Variants in LATS1 observed in about 807,000 individuals in gnomAD.
The protein encoded by LATS1 is large tumor suppressor kinase 1, also known as serine/threonine-protein kinase LATS1.
LATS1 carries 25 observed loss-of-function variants against 106.6 expected under a neutral mutation model. The ratio of observed to expected loss-of-function variants is 0.23; its 90% confidence interval spans 0.17 to 0.33. The LOEUF is 0.33. LATS1 is among the 10% of genes least tolerant of loss of function. The pLI, the probability that LATS1 is intolerant of heterozygous loss-of-function variation, is 1.00. For missense variants in LATS1, 1,040 were observed against 1,382.6 expected (o/e 0.75, Z 3.93); for synonymous variants, 465 against 455.6 (o/e 1.02, Z -0.26).
rs1479779425 is a variant in LATS1, at chr6:149,660,914, G to A, written c.*815C>T. The A allele has an allele frequency of 9.5e-6, 2 of 210,634 alleles. No individual in the cohort carries two copies. The highest frequency in any genetic ancestry group is 1.9e-5 in the Non-Finnish European group (2 of 103,610). The allele number at this position is 210,634 out of a possible 1,614,324, so 13.0% of individuals were successfully genotyped here. On this transcript the variant is annotated 3_prime_UTR_variant, in exon 8 of 8. Transcript: ENST00000543571. The stretch of plus-strand genomic sequence containing the variant: ...GAAAATTAAAATAATTATCTGCTTA[G>A]GATGGTGAGAAATATTTTAGCTTTT...
chr6:149,661,944 T>C lies in LATS1; in HGVS notation c.3178A>G (p.Thr1060Ala). Residue 1060 changes from threonine to alanine, a missense_variant, in exon 8 of 8, where the codon ACT becomes GCT. Transcript: ENST00000543571. ...DDNEEENVND[T>A]LNGWYKNGKH... ...CCATTTTTATACCATCCATTGAGAGTGTCATTTACATTTTCTTCCTCGTTA... is the reference window on the plus strand; with the variant it reads ...CCATTTTTATACCATCCATTGAGAGCGTCATTTACATTTTCTTCCTCGTTA... 1 of 1,613,982 alleles carries C rather than the reference T, an allele frequency of 6.2e-7. No individual in the cohort carries two copies. The highest frequency in any genetic ancestry group is 8.5e-7 in the Non-Finnish European group (1 of 1,179,940).
intron 3 of LATS1, among the ~76,000 whole-genome samples, chr6:149,689,929 G>C (rs1413861504): frequency 3.3e-5 from 5 of 151,114 alleles, no homozygotes; most frequent in Non-Finnish European, 7.4e-5. Context: ...CCTCTTAACT[G>C]GAGTCTTCCA....
chr6:149,704,463 T>C (rs1374688698), intron 1 of LATS1, among the ~76,000 whole-genome samples: 1 of 151,246 alleles, frequency 6.6e-6, no homozygotes, highest in African/African-American at 2.4e-5. Context: ...AAAAACACTT[T>C]AAATGGGTAA....
intron 2 of LATS1, chr6:149,697,057 G>A (rs1215161501): frequency 6.0e-6 from 5 of 835,040 alleles, no homozygotes; most frequent in Admixed American, 4.3e-5. Context: ...AAAGTATGTT[G>A]ACATGCATTT....
chr6:149,663,009 A>G (rs1440237101), intron 7 of LATS1, among the ~76,000 whole-genome samples: 1 of 151,866 alleles, frequency 6.6e-6, no homozygotes, highest in Non-Finnish European at 1.5e-5. Flanking sequence ...GGTTATGAAT[A>G]AAATGAAATG....
At chr6:149,698,900 T>C (rs1018072669) in intron 2 of LATS1, among the ~76,000 whole-genome samples, 3 of 152,192 alleles carry the variant, frequency 2.0e-5, no homozygotes, top group Non-Finnish European at 4.4e-5. Context: ...CACATAATTA[T>C]GCCTTTGTTT....
intron 7 of LATS1, among the ~76,000 whole-genome samples, chr6:149,675,218 A>G (rs1582857199): frequency 6.7e-6 from 1 of 148,300 alleles, no homozygotes. Context: ...TCTGTATCAA[A>G]AAAAAAAAAA....
chr6:149,688,810 A>C (rs1782550712), intron 3 of LATS1, among the ~76,000 whole-genome samples: 1 of 152,204 alleles, frequency 6.6e-6, no homozygotes, highest in African/African-American at 2.4e-5. Flanking sequence ...AATGGCATCA[A>C]ATGATAGAGA....
At chr6:149,697,200 T>G (rs1343341621) in intron 2 of LATS1, 1 of 1,217,508 alleles carries the variant, frequency 8.2e-7, no homozygotes, top group Non-Finnish European at 1.1e-6. Flanking sequence ...TATGAAATGA[T>G]AAGAGAAGAA....
rs60596573 is a variant in LATS1, at chr6:149,660,518, T to A, written c.*1211A>T. On this transcript the variant is annotated 3_prime_UTR_variant, in exon 8 of 8. Coordinates refer to ENST00000543571, the MANE Select transcript of LATS1 (RefSeq NM_004690.4). ...AAGGAAATAAAACACAACACAAATT[T>A]TACTATGGTCAAAATGGAGCCTTTT... 598 of 233,028 alleles carry A rather than the reference T, an allele frequency of 2.6e-3. 4 individuals carry two copies. Among genetic ancestry groups the A allele is most frequent in the African/African-American group, 0.012 (551 of 45,448 alleles). 14.4% of individuals were successfully genotyped at this position (233,028 alleles called of 1,614,324 possible). A position where few individuals can be genotyped will look rare whatever the true frequency, so the allele number is the denominator to read the frequency against.
At chr6:149,682,872 T>C (rs1472163117) in intron 4 of LATS1, 2 of 558,018 alleles carry the variant, frequency 3.6e-6, no homozygotes. Context: ...GATTTTATTA[T>C]AGGAAATTCT....
At chr6:149,691,286 C>T (rs78159505) in intron 3 of LATS1, among the ~76,000 whole-genome samples, 1,637 of 152,220 alleles carry the variant, frequency 0.011, 30 homozygotes, top group African/African-American at 0.038. Context: ...CATATGAGGA[C>T]ACAGCAAGGC....
Position 149,718,051 on chromosome 6 carries a change from C to A in LATS1, c.-343G>T. On this transcript the variant is annotated 5_prime_UTR_variant, in exon 1 of 8. Transcript: ENST00000543571. ...CCCCTTAACACCAGGCCACCGCCGC[C>A]GCCGCCGCCATTTTGCCTTCCACTC... is the stretch of plus-strand genomic sequence containing the variant. 1 of 326,556 alleles carries A rather than the reference C, an allele frequency of 3.1e-6. No homozygotes were observed. The highest frequency in any genetic ancestry group is 5.9e-6 in the Non-Finnish European group (1 of 168,290). 20.2% of individuals were successfully genotyped at this position (326,556 alleles called of 1,614,324 possible).
chr6:149,662,966 CAAA>C (rs61479102), intron 7 of LATS1, among the ~76,000 whole-genome samples: 8 of 96,214 alleles, frequency 8.3e-5, no homozygotes, highest in Non-Finnish European at 1.1e-4. Context: ...ACACTGTCTC[CAAA>C]AAAAAAAAAA....
rs1444244508 is a variant in LATS1, at chr6:149,708,208, T to G, written c.-140-5942A>C. Among the ~76,000 whole-genome samples, 3 of 151,956 alleles carry G rather than the reference T, an allele frequency of 2.0e-5. No homozygotes were observed. In the East Asian group the frequency reaches 5.8e-4, roughly 29 times the overall value. ...TTTGAATATTCATTTCAATTTTAAT[T>G]GTACAAGACCACCCTGGTCAATATG... On this transcript the variant is annotated intron_variant, in intron 1 of 7. Transcript: ENST00000543571.
chr6:149,683,913 CCCT>C lies in LATS1; in HGVS notation c.1173_1175del (p.Gly393del). The C allele has an allele frequency of 6.2e-7, 1 of 1,613,352 alleles. No homozygotes were observed. The highest frequency in any genetic ancestry group is 8.5e-7 in the Non-Finnish European group (1 of 1,179,606). On this transcript the variant is annotated inframe_deletion, in exon 4 of 8. Transcript: ENST00000543571. ...TATATGACGAAGGAGCAGCAGATCC[CCCT>C]GTTTGTAAAGCAGAAGGGCTTTGTC... is the stretch of plus-strand genomic sequence containing the variant.
At chr6:149,671,058 T>C (rs1781422108) in intron 7 of LATS1, among the ~76,000 whole-genome samples, 1 of 151,974 alleles carries the variant, frequency 6.6e-6, no homozygotes, top group African/African-American at 2.4e-5. Flanking sequence ...TTTATCTATA[T>C]ATATGTGACT....
chr6:149,677,628 G>A (rs984645809), intron 5 of LATS1, among the ~76,000 whole-genome samples: 24 of 152,176 alleles, frequency 1.6e-4, no homozygotes, highest in Non-Finnish European at 5.9e-5. Context: ...CAGCTGGATA[G>A]AGAAATTACG....
chr6:149,683,903 C>A lies in LATS1; in HGVS notation c.1186G>T (p.Ala396Ser), dbSNP rs928634562. The A allele has an allele frequency of 1.2e-6, 2 of 1,614,152 alleles. No homozygotes were observed. The highest frequency in any genetic ancestry group is 2.7e-5 in the African/African-American group (2 of 75,038). The change falls in exon 4 of 8, where the codon GCT (alanine) becomes TCT (serine). Residue 396 changes from alanine (A) to serine (S), a missense_variant. This residue lies in a region of LATS1 where 624 missense variants were observed against 714.8 expected (regional missense o/e 0.87). Transcript: ENST00000543571. ...CTTCCATTTGTATATGACGAAGGAGCAGCAGATCCCCCTGTTTGTAAAGCA... is the reference window on the plus strand; with the variant it reads ...CTTCCATTTGTATATGACGAAGGAGAAGCAGATCCCCCTGTTTGTAAAGCA... ...PSALQTGGSAAPSSYTNGSIP... is the reference protein window; with the variant it reads ...PSALQTGGSASPSSYTNGSIP...
Sources: gnomAD v4.1 joint callset for allele counts (sites outside exome capture counted in the v4.1 genomes callset) on GRCh38, gnomAD v4.1.1 for gene constraint, gnomAD v4.1.1 regional missense constraint, MANE v1.5 for transcripts, NCBI Gene and HGNC (gene_info 2026-07-23, HGNC 2026-07-21) for gene names.